Variants in EML5 observed in about 807,000 individuals in gnomAD.
The protein encoded by EML5 is echinoderm microtubule-associated protein-like 5.
Under a neutral mutation model 250.0 loss-of-function variants are expected in EML5, and 120 were observed. That is an observed-to-expected ratio of 0.48 (90% confidence interval 0.41 to 0.56). The LOEUF (loss-of-function observed/expected upper bound fraction) is 0.56. Ranked by LOEUF, EML5 falls within the 20% of genes least tolerant of loss-of-function variation. EML5 has a pLI of 0.00. For synonymous variants in EML5, 771 were observed against 806.5 expected (o/e 0.96, Z 0.75); for missense variants, 2,006 against 2,437.6 (o/e 0.82, Z 3.73).
In EML5 at chr14:88,716,631, AT is replaced by A. The variant is rs1428575222; in HGVS notation, c.1188-1437del. On this transcript the variant is annotated intron_variant, in intron 8 of 43. Coordinates refer to ENST00000554922, the MANE Select transcript of EML5 (RefSeq NM_183387.3). ...GAAAATTCTTCAGAAGTATTTTGGT[AT>A]TTTTTATAGCATTTTTGTTTAGAGA... 4.6e-5 allele frequency among the ~76,000 whole-genome samples: 7 copies of A among 152,142 alleles called. No individual in the cohort carries two copies. The East Asian group carries it at 1.4e-3, about 29-fold the overall frequency.
chr14:88,714,172 G>A (rs1397379957), intron 9 of EML5, among the ~76,000 whole-genome samples: 1 of 152,100 alleles, frequency 6.6e-6, no homozygotes, highest in Non-Finnish European at 1.5e-5. Context: ...CAAAAAAAAT[G>A]TATTGGTCAC....
intron 8 of EML5, among the ~76,000 whole-genome samples, chr14:88,724,125 A>C (rs951916210): frequency 7.3e-5 from 11 of 151,254 alleles, no homozygotes; most frequent in Admixed American, 7.2e-4. Flanking sequence ...AAAAAAAAAA[A>C]ATAGCTTGGC....
At chr14:88,641,707 C>A (rs1417937190) in intron 31 of EML5, among the ~76,000 whole-genome samples, 1 of 152,096 alleles carries the variant, frequency 6.6e-6, no homozygotes, top group African/African-American at 2.4e-5. Flanking sequence ...AAACCCACTT[C>A]CTACACTATG....
intron 2 of EML5, among the ~76,000 whole-genome samples, chr14:88,746,867 G>A (rs1414417501): frequency 2.6e-5 from 4 of 152,160 alleles, no homozygotes; most frequent in Admixed American, 1.3e-4. Flanking sequence ...TGAAGAGGGA[G>A]AAACACCTCC....
At position 88,615,695 on chromosome 14, in the gene EML5, C is replaced by G; in HGVS notation, c.*123G>C. 1.2e-6 allele frequency: 1 copy of G among 831,476 alleles called. No homozygotes were observed. 51.5% of individuals were successfully genotyped at this position (831,476 alleles called of 1,614,324 possible). The stretch of plus-strand genomic sequence containing the variant: ...TCAGTCTTTCACTATTTTGATGATT[C>G]TGGGCATTTCTCCCTGTTACAGTCT... On this transcript the variant is annotated 3_prime_UTR_variant, in exon 44 of 44. Coordinates refer to ENST00000554922, the MANE Select transcript of EML5 (RefSeq NM_183387.3).
Position 88,672,963 on chromosome 14 carries a change from G to A in EML5, c.3125-7474C>T, listed in dbSNP as rs112772108. Among the ~76,000 whole-genome samples the A allele has an allele frequency of 1.4e-3, 217 of 152,234 alleles. 2 individuals are homozygous for A. Among genetic ancestry groups the A allele is most frequent in the African/African-American group, 5.1e-3 (213 of 41,552 alleles). ...AGCTGAATTCTACCAGAGGTACAAA[G>A]AGGAGCTGGTACCATTTCTTCTGAA... On this transcript the variant is annotated intron_variant, in intron 21 of 43. Transcript: ENST00000554922.
At chr14:88,702,281 G>A (rs977506883) in intron 14 of EML5, among the ~76,000 whole-genome samples, 165 bp downstream of exon 14, 9 of 151,948 alleles carry the variant, frequency 5.9e-5, no homozygotes, top group Non-Finnish European at 1.0e-4. Context: ...AAAACTGTAG[G>A]AAAAAAGTTT....
intron 9 of EML5, among the ~76,000 whole-genome samples, chr14:88,714,006 T>G (rs573994573): frequency 6.6e-6 from 1 of 151,666 alleles, no homozygotes; most frequent in South Asian, 2.1e-4. Flanking sequence ...CCTGGCTAGT[T>G]TTTGTATTTT....
rs544549287 is a variant in EML5, at chr14:88,615,043, A to C, written c.*775T>G. 10 of 152,296 alleles carry C rather than the reference A, an allele frequency of 6.6e-5. No homozygotes were observed. Among genetic ancestry groups the C allele is most frequent in the African/African-American group, 1.9e-4 (8 of 41,564 alleles). The allele number at this position is 152,296 out of a possible 1,614,324, so 9.4% of individuals were successfully genotyped here. A position where few individuals can be genotyped will look rare whatever the true frequency, so the allele number is the denominator to read the frequency against. ...GCTCCCTAAAACCCTTACATTGTAC[A>C]CCATTGGGAATGATTGTTCATCATA... On this transcript the variant is annotated 3_prime_UTR_variant, in exon 44 of 44. Transcript: ENST00000554922.
chr14:88,707,282 A>G (rs1435087446), intron 10 of EML5, among the ~76,000 whole-genome samples: 1 of 149,820 alleles, frequency 6.7e-6, no homozygotes, highest in Non-Finnish European at 1.5e-5. Context: ...TTATTTATTT[A>G]TTTATTTATT....
intron 1 of EML5, among the ~76,000 whole-genome samples, chr14:88,774,591 G>C: frequency 6.6e-6 from 1 of 152,126 alleles, no homozygotes; most frequent in East Asian, 1.9e-4. Context: ...GGACACAGCT[G>C]ATAATTCCTT....
chr14:88,738,118 T>C (rs1366244551), intron 6 of EML5, among the ~76,000 whole-genome samples: 1 of 152,154 alleles, frequency 6.6e-6, no homozygotes, highest in African/African-American at 2.4e-5. Context: ...AATTATTTTG[T>C]AAGCTTTAAA....
At chr14:88,755,738 A>G (rs1253013288) in intron 1 of EML5, among the ~76,000 whole-genome samples, 2 of 152,138 alleles carry the variant, frequency 1.3e-5, no homozygotes, top group African/African-American at 4.8e-5. Flanking sequence ...CATGCCTATA[A>G]TATCAGTGCT....
chr14:88,694,481 C>G, intron 16 of EML5, 74 bp from the exon 17 acceptor site: 1 of 1,028,154 alleles, frequency 9.7e-7, no homozygotes, highest in Non-Finnish European at 1.4e-6. Flanking sequence ...TAATCCATAC[C>G]CTATCTTGAT....
chr14:88,691,531 A>G (rs1399007938), intron 17 of EML5, among the ~76,000 whole-genome samples: 2 of 152,158 alleles, frequency 1.3e-5, no homozygotes, highest in East Asian at 1.9e-4. Context: ...TCACATTATT[A>G]TTGCATCAAA....
chr14:88,650,001 CA>C (rs1188698406), intron 27 of EML5, 75 bp from the exon 28 acceptor site: 2 of 1,084,368 alleles, frequency 1.8e-6, no homozygotes, highest in African/African-American at 3.3e-5. Context: ...AGCATTTTAG[CA>C]AACAGAAGAA....
chr14:88,645,969 A>T (rs537234409), intron 29 of EML5, among the ~76,000 whole-genome samples: 18 of 152,252 alleles, frequency 1.2e-4, no homozygotes, highest in East Asian at 1.2e-3. Flanking sequence ...TAATTTTTTT[A>T]AAAAATGCAA....
intron 37 of EML5, chr14:88,621,708 G>T (rs988085461): frequency 7.1e-6 from 2 of 280,720 alleles, no homozygotes; most frequent in South Asian, 3.7e-5. Flanking sequence ...GATAATATCC[G>T]TATGATTTAT....
At chr14:88,679,858 C>CA (rs2092681074) in intron 21 of EML5, among the ~76,000 whole-genome samples, 1 of 152,152 alleles carries the variant, frequency 6.6e-6, no homozygotes, top group South Asian at 2.1e-4. Flanking sequence ...CATCATTACT[C>CA]AGACTAGTGT....
Sources: gnomAD v4.1 joint callset for allele counts (sites outside exome capture counted in the v4.1 genomes callset) on GRCh38, gnomAD v4.1.1 for gene constraint, MANE v1.5 for transcripts, NCBI Gene and HGNC (gene_info 2026-07-23, HGNC 2026-07-21) for gene names.